The following MPPED2 variants were observed in gnomAD, a reference collection of about 807,000 sequenced individuals.
The protein encoded by MPPED2 is metallophosphoesterase MPPED2.
A neutral mutation model predicts 33.0 loss-of-function variants in MPPED2; 5 were observed. The ratio of observed to expected loss-of-function variants is 0.15; its 90% CI spans 0.08 to 0.32. MPPED2 has a LOEUF of 0.32. Ranked by LOEUF, MPPED2 falls within the 10% of genes least tolerant of loss-of-function variation. The probability of loss-of-function intolerance (pLI) is 1.00; values close to 1 mark genes in which losing one functional copy is unlikely to be tolerated. For missense variants in MPPED2, 275 were observed against 372.1 expected, an observed-to-expected ratio of 0.74 and a Z score of 2.15; for synonymous variants, 136 against 141.9, an observed-to-expected ratio of 0.96 and a Z score of 0.29.
intron 2 of MPPED2, among the ~76,000 whole-genome samples, chr11:30,568,297 A>G (rs1179057072): frequency 6.6e-6 from 1 of 152,150 alleles, no homozygotes; most frequent in Non-Finnish European, 1.5e-5. Flanking sequence ...AAATATGTTA[A>G]TGGTGCCCAG....
intron 4 of MPPED2, among the ~76,000 whole-genome samples, chr11:30,467,149 A>G (rs1040501487): frequency 6.6e-6 from 1 of 151,996 alleles, no homozygotes; most frequent in Non-Finnish European, 1.5e-5. Flanking sequence ...CCACCCCCAC[A>G]CTTTCTGGCT....
chr11:30,443,619 G>C (rs1356697242), intron 4 of MPPED2, among the ~76,000 whole-genome samples: 1 of 152,174 alleles, frequency 6.6e-6, no homozygotes. Flanking sequence ...GATTGCAGTA[G>C]TAAGGACCTG....
intron 3 of MPPED2, among the ~76,000 whole-genome samples, chr11:30,532,208 C>A (rs1018311409): frequency 6.6e-6 from 1 of 152,330 alleles, no homozygotes; most frequent in East Asian, 1.9e-4. Flanking sequence ...CTGCCCCATC[C>A]AAATTCTATC....
chr11:30,471,440 T>C (rs1950940275), intron 4 of MPPED2, among the ~76,000 whole-genome samples: 2 of 152,206 alleles, frequency 1.3e-5, no homozygotes, highest in African/African-American at 4.8e-5. Flanking sequence ...ACCACACATG[T>C]CCTGCATTCT....
At chr11:30,472,620 A>G (rs1951000442) in intron 4 of MPPED2, among the ~76,000 whole-genome samples, 3 of 152,218 alleles carry the variant, frequency 2.0e-5, no homozygotes, top group Non-Finnish European at 4.4e-5. Flanking sequence ...TACAACATGG[A>G]TGAACTTTGA....
intron 4 of MPPED2, among the ~76,000 whole-genome samples, chr11:30,419,618 C>G (rs1455875439): frequency 6.6e-6 from 1 of 152,162 alleles, no homozygotes. Flanking sequence ...TCTGGTAAGA[C>G]TGATTCCATC....
intron 4 of MPPED2, among the ~76,000 whole-genome samples, chr11:30,439,335 C>T (rs1469944324): frequency 1.3e-5 from 2 of 152,122 alleles, no homozygotes; most frequent in African/African-American, 4.8e-5. Context: ...GCTAGTTTTA[C>T]TCCACTTAGG....
chr11:30,474,809 G>C (rs1951107316), intron 4 of MPPED2, among the ~76,000 whole-genome samples: 1 of 152,138 alleles, frequency 6.6e-6, no homozygotes. Context: ...ATGTAAGCCA[G>C]TAATTTCCAA....
At chr11:30,439,432 T>C (rs1949469092) in intron 4 of MPPED2, among the ~76,000 whole-genome samples, 1 of 152,220 alleles carries the variant, frequency 6.6e-6, no homozygotes, top group African/African-American at 2.4e-5. Flanking sequence ...AGATGTTTCC[T>C]ATTACACACT....
chr11:30,415,206 C>T (rs1948290773), intron 5 of MPPED2, among the ~76,000 whole-genome samples: 1 of 152,102 alleles, frequency 6.6e-6, no homozygotes, highest in Non-Finnish European at 1.5e-5. Flanking sequence ...TTTTTCGGGC[C>T]AAACTGCAGA....
chr11:30,437,084 G>A (rs1949359273), intron 4 of MPPED2, among the ~76,000 whole-genome samples: 1 of 152,128 alleles, frequency 6.6e-6, no homozygotes, highest in Non-Finnish European at 1.5e-5. Context: ...ACAACAATCA[G>A]ATTTAAGTGG....
intron 3 of MPPED2, among the ~76,000 whole-genome samples, chr11:30,506,503 G>T (rs913219210): frequency 5.3e-5 from 8 of 152,184 alleles, no homozygotes; most frequent in Admixed American, 5.2e-4. Flanking sequence ...GATGAAGAAT[G>T]ATATGTTTAT....
chr11:30,580,571 T>A, intron 1 of MPPED2, 77 bp from the exon 2 acceptor site: 1 of 1,343,778 alleles, frequency 7.4e-7, no homozygotes, highest in East Asian at 2.6e-5. Context: ...ATTTAACATC[T>A]AGACATGAAA....
rs4923640 is a variant in MPPED2 at position 30,493,195 on chromosome 11, C to T, written c.536+2101G>A. On this transcript the variant is annotated intron_variant, in intron 4 of 6. Coordinates refer to ENST00000358117, the MANE Select transcript of MPPED2 (RefSeq NM_001584.3). ...TCAGGAGATCGAGACCACGGTGAAA[C>T]CCCGTCTCTACTAAAAATACAAAAA... 0.012 allele frequency among the ~76,000 whole-genome samples: 1,810 copies of T among 151,926 alleles called. 121 individuals carry two copies. In the East Asian group the frequency reaches 0.21, roughly 17 times the overall value.
rs553417554 is a variant in MPPED2, at chr11:30,447,097, G to A, written c.537-29464C>T. Among the ~76,000 whole-genome samples the A allele has an allele frequency of 2.0e-4, 30 of 152,280 alleles. No individual in the cohort carries two copies. In the South Asian group the frequency reaches 4.8e-3, roughly 24 times the overall value. On this transcript the variant is annotated intron_variant, in intron 4 of 6. Transcript: ENST00000358117. ...ACTCTATGAACTGGGCTGCATAAAC[G>A]AGAGATCATTCAGGTAGACAGGCGG...
At chr11:30,431,734 G>GT (rs995309909) in intron 4 of MPPED2, among the ~76,000 whole-genome samples, 106 of 151,968 alleles carry the variant, frequency 7.0e-4, no homozygotes, top group African/African-American at 2.3e-3. Flanking sequence ...GTTTTGTTTT[G>GT]TTTTTTTGTT....
At chr11:30,552,522 A>G (rs1955764615) in intron 2 of MPPED2, among the ~76,000 whole-genome samples, 1 of 152,206 alleles carries the variant, frequency 6.6e-6, no homozygotes, top group South Asian at 2.1e-4. Flanking sequence ...TATGCATTTT[A>G]AAAATATAAT....
chr11:30,468,297 T>C (rs1950806950), intron 4 of MPPED2, among the ~76,000 whole-genome samples: 1 of 150,574 alleles, frequency 6.6e-6, no homozygotes, highest in South Asian at 2.1e-4. Flanking sequence ...ATGCATGCAA[T>C]AAATACATAA....
At chr11:30,430,909 T>C (rs1370039106) in intron 4 of MPPED2, among the ~76,000 whole-genome samples, 5 of 152,198 alleles carry the variant, frequency 3.3e-5, no homozygotes, top group Non-Finnish European at 2.9e-5. Flanking sequence ...TCACCCATCA[T>C]ACATGTGCAG....
Sources: allele counts gnomAD v4.1 joint callset (sites outside exome capture counted in the v4.1 genomes callset), GRCh38; gene constraint gnomAD v4.1.1; transcripts MANE v1.5; gene names NCBI Gene and HGNC (gene_info 2026-07-23, HGNC 2026-07-21).